CAMTA1: variants seen among roughly 807,000 people sequenced by gnomAD.
CAMTA1 encodes the protein calmodulin binding transcription activator 1.
In CAMTA1, 27 loss-of-function variants were observed where a neutral mutation model predicts 170.9. The observed-to-expected ratio is 0.16, with a 90% CI of 0.12 to 0.22. CAMTA1 has a LOEUF of 0.22. Ranked by LOEUF, CAMTA1 falls within the 10% of genes least tolerant of loss-of-function variation. The probability of loss-of-function intolerance (pLI) is 1.00; values close to 1 mark genes in which losing one functional copy is unlikely to be tolerated. For synonymous variants in CAMTA1, 833 were observed against 891.5 expected (o/e 0.93, Z 1.17); for missense variants, 1,619 against 2,217.2 (o/e 0.73, Z 5.42).
At chr1:7,502,402 T>G (rs1428146631) in intron 6 of CAMTA1, among the ~76,000 whole-genome samples, 2 of 152,200 alleles carry the variant, frequency 1.3e-5, no homozygotes, top group Non-Finnish European at 2.9e-5. Flanking sequence ...CCAGAGGAAA[T>G]GCATTCAATA....
At chr1:7,057,885 T>C (rs1436187122) in intron 3 of CAMTA1, among the ~76,000 whole-genome samples, 1 of 152,208 alleles carries the variant, frequency 6.6e-6, no homozygotes, top group Non-Finnish European at 1.5e-5. Flanking sequence ...GTAAGGAGAC[T>C]TCCTATCTGA....
chr1:7,049,465 T>G (rs1044441132), intron 3 of CAMTA1, among the ~76,000 whole-genome samples: 1 of 152,174 alleles, frequency 6.6e-6, no homozygotes, highest in South Asian at 2.1e-4. Context: ...TTTGTTTGTT[T>G]TTTTGTTTTG....
chr1:6,946,151 C>T (rs1459760854), intron 3 of CAMTA1, among the ~76,000 whole-genome samples: 1 of 152,032 alleles, frequency 6.6e-6, no homozygotes, highest in African/African-American at 2.4e-5. Context: ...CCAGTTTCTC[C>T]ACATCCTCAG....
At chr1:6,837,646 C>T (rs908013007) in intron 3 of CAMTA1, among the ~76,000 whole-genome samples, 4 of 152,242 alleles carry the variant, frequency 2.6e-5, no homozygotes, top group African/African-American at 4.8e-5. Context: ...GCAACAGATC[C>T]GCATTCCTGG....
chr1:7,516,952 A>G (rs2094295555), intron 6 of CAMTA1, among the ~76,000 whole-genome samples: 1 of 152,202 alleles, frequency 6.6e-6, no homozygotes, highest in Non-Finnish European at 1.5e-5. Flanking sequence ...CATTAAAAAA[A>G]GGTAGAATGG....
chr1:6,903,392 T>C (rs1212551363), intron 3 of CAMTA1, among the ~76,000 whole-genome samples: 1 of 152,238 alleles, frequency 6.6e-6, no homozygotes, highest in Non-Finnish European at 1.5e-5. Context: ...TGTATGTTAA[T>C]TATACCTTAA....
At chr1:7,156,354 T>G (rs1332412959) in intron 4 of CAMTA1, among the ~76,000 whole-genome samples, 1 of 151,576 alleles carries the variant, frequency 6.6e-6, no homozygotes, top group Non-Finnish European at 1.5e-5. Flanking sequence ...AGCAGATAGA[T>G]ACATGAATGG....
At chr1:6,960,010 A>G (rs1557887716) in intron 3 of CAMTA1, among the ~76,000 whole-genome samples, 1 of 152,200 alleles carries the variant, frequency 6.6e-6, no homozygotes, top group African/African-American at 2.4e-5. Flanking sequence ...CTGTGATTCC[A>G]TTTTACAGAT....
chr1:7,086,227 C>T (rs1640723908), intron 3 of CAMTA1, among the ~76,000 whole-genome samples: 2 of 152,042 alleles, frequency 1.3e-5, no homozygotes, highest in Non-Finnish European at 1.5e-5. Context: ...ACAGTCGAGT[C>T]ATTCTTCTCA....
chr1:7,742,441 C>T (rs80345927), intron 16 of CAMTA1, among the ~76,000 whole-genome samples: 2,200 of 152,148 alleles, frequency 0.014, 58 homozygotes, highest in African/African-American at 0.05. Context: ...CACATAGCAA[C>T]TACGTATATA....
chr1:6,892,327 C>T (rs533292707), intron 3 of CAMTA1, among the ~76,000 whole-genome samples: 30 of 152,340 alleles, frequency 2.0e-4, no homozygotes, highest in Admixed American at 6.5e-4. Context: ...GCACCATCAG[C>T]AGGCTCTGGG....
chr1:7,510,086 A>G (rs2094182363), intron 6 of CAMTA1, among the ~76,000 whole-genome samples: 1 of 109,908 alleles, frequency 9.1e-6, no homozygotes, highest in Admixed American at 9.0e-5. Flanking sequence ...GTGACCCAAC[A>G]GATACATTTC....
intron 1 of CAMTA1, among the ~76,000 whole-genome samples, chr1:6,815,432 G>C (rs770494369): frequency 6.6e-6 from 1 of 152,112 alleles, no homozygotes; most frequent in Non-Finnish European, 1.5e-5. Context: ...TTGAACTCCT[G>C]GGCTTAAGCA....
rs1015033864 is a variant in CAMTA1, at chr1:7,479,483, A to C, written c.510+11582A>C. Among the ~76,000 whole-genome samples, 4 of 152,164 alleles carry C rather than the reference A, an allele frequency of 2.6e-5. No individual in the cohort carries two copies. In the East Asian group the frequency reaches 7.7e-4, roughly 29 times the overall value. ...CTGGGGGATTTTATGCTCTTTTTCCAGACATGCCAGGGTCCCTGTAGGTGA... is the reference window on the plus strand; with the variant it reads ...CTGGGGGATTTTATGCTCTTTTTCCCGACATGCCAGGGTCCCTGTAGGTGA... On this transcript the variant is annotated intron_variant, in intron 6 of 22. Coordinates refer to ENST00000303635, the MANE Select transcript of CAMTA1 (RefSeq NM_015215.4).
chr1:7,385,854 C>T (rs1417688227), intron 5 of CAMTA1, among the ~76,000 whole-genome samples: 2 of 152,308 alleles, frequency 1.3e-5, no homozygotes, highest in Middle Eastern at 3.4e-3. Context: ...GATTGAAATC[C>T]GAGGCCCTCA....
At chr1:7,437,366 G>A (rs955007982) in intron 5 of CAMTA1, among the ~76,000 whole-genome samples, 2 of 152,124 alleles carry the variant, frequency 1.3e-5, no homozygotes, top group Non-Finnish European at 2.9e-5. Flanking sequence ...AACCCTGTTC[G>A]GGGCCTCTCT....
At chr1:6,868,756 TAGA>T (rs1667506330) in intron 3 of CAMTA1, among the ~76,000 whole-genome samples, 1 of 152,256 alleles carries the variant, frequency 6.6e-6, no homozygotes, top group South Asian at 2.1e-4. Context: ...ATAATTTCCC[TAGA>T]AGAATATTCT....
intron 6 of CAMTA1, among the ~76,000 whole-genome samples, chr1:7,508,849 A>G (rs1347842429): frequency 6.6e-6 from 1 of 152,172 alleles, no homozygotes; most frequent in Non-Finnish European, 1.5e-5. Context: ...GCCAAAATTA[A>G]TGCATTCTAG....
chr1:6,859,881 A>AT (rs1320681335), intron 3 of CAMTA1, among the ~76,000 whole-genome samples: 1 of 152,138 alleles, frequency 6.6e-6, no homozygotes, highest in Non-Finnish European at 1.5e-5. Flanking sequence ...ACCCTTACCA[A>AT]TGGTAAGTGT....
Sources: allele counts gnomAD v4.1 joint callset (sites outside exome capture counted in the v4.1 genomes callset), GRCh38; gene constraint gnomAD v4.1.1; transcripts MANE v1.5; gene names NCBI Gene and HGNC (gene_info 2026-07-23, HGNC 2026-07-21).